Variants in CHD9 observed in about 807,000 individuals in gnomAD.
CHD9 encodes the protein chromodomain helicase DNA binding protein 9, also known as ATP-dependent chromatin remodeler CHD9.
Under a neutral mutation model 316.1 loss-of-function variants are expected in CHD9, and 77 were observed. That is an observed-to-expected ratio of 0.24 (90% CI 0.20 to 0.29). The LOEUF is 0.29. CHD9 is among the 10% of genes least tolerant of loss of function. The probability of loss-of-function intolerance (pLI) is 1.00; values close to 1 mark genes in which losing one functional copy is unlikely to be tolerated. For synonymous variants in CHD9, 1,129 were observed against 1,158.3 expected (o/e 0.97, Z 0.51); for missense variants, 2,763 against 3,438.1 (o/e 0.80, Z 4.91).
chr16:53,267,063 A>C (rs1389176758), intron 20 of CHD9, among the ~76,000 whole-genome samples: 1 of 152,194 alleles, frequency 6.6e-6, no homozygotes, highest in Non-Finnish European at 1.5e-5. Flanking sequence ...ACAAAATATC[A>C]AGTTCTTTTT....
rs370557476 is a variant in CHD9, at chr16:53,061,148, A to C, written c.-165+6071A>C. Among the ~76,000 whole-genome samples the C allele has an allele frequency of 9.9e-5, 15 of 152,184 alleles. 1 individual carries two copies. The highest frequency in any genetic ancestry group is 3.6e-4 in the African/African-American group (15 of 41,522). The stretch of plus-strand genomic sequence containing the variant: ...CGCCATGTTGGCCAGGCTGGTCTCG[A>C]ACTCCTGACCTCAGGTGATTCACCC... On this transcript the variant is annotated intron_variant, in intron 1 of 38. Coordinates refer to ENST00000447540, the MANE Select transcript of CHD9 (RefSeq NM_001308319.2).
intron 1 of CHD9, among the ~76,000 whole-genome samples, chr16:53,090,219 A>G (rs1185322614): frequency 1.3e-5 from 2 of 152,172 alleles, no homozygotes; most frequent in Non-Finnish European, 1.5e-5. Flanking sequence ...GAGCCAACAT[A>G]CCACCTTAAT....
Position 53,234,415 on chromosome 16 carries a change from G to A in CHD9, c.2512-770G>A, listed in dbSNP as rs530657560. Among the ~76,000 whole-genome samples the A allele has an allele frequency of 2.0e-4, 30 of 152,158 alleles. 1 individual carries two copies. Among genetic ancestry groups the A allele is most frequent in the African/African-American group, 7.2e-4 (30 of 41,516 alleles). On this transcript the variant is annotated intron_variant, in intron 10 of 38. Transcript: ENST00000447540. ...ATCCTTGCCTTATTCCTGATCTTAG[G>A]GGGAAAGCAGTCAGTCTTTCACCTT...
chr16:53,203,999 G>T (rs1490963786), intron 2 of CHD9, among the ~76,000 whole-genome samples: 3 of 135,606 alleles, frequency 2.2e-5, no homozygotes, highest in African/African-American at 8.4e-5. Context: ...ACTCCAGCCT[G>T]GGCGACAGAG....
intron 18 of CHD9, among the ~76,000 whole-genome samples, chr16:53,255,283 T>A (rs1398925017): frequency 1.3e-5 from 2 of 151,990 alleles, no homozygotes; most frequent in Non-Finnish European, 2.9e-5. Context: ...CACTCTAGCA[T>A]GGATAACAGA....
chr16:53,250,667 C>T (rs1469388421), intron 17 of CHD9: 1 of 151,756 alleles, frequency 6.6e-6, no homozygotes, highest in African/African-American at 2.4e-5. Flanking sequence ...ATAAGTAAGA[C>T]TATACTTGGA....
chr16:53,216,742 G>A (rs1380226431), intron 3 of CHD9, among the ~76,000 whole-genome samples: 2 of 152,108 alleles, frequency 1.3e-5, no homozygotes, highest in Non-Finnish European at 2.9e-5. Context: ...TTTACTCTCC[G>A]AGCCAGTGGT....
intron 2 of CHD9, among the ~76,000 whole-genome samples, chr16:53,162,569 T>C (rs2041988008): frequency 1.3e-5 from 2 of 152,148 alleles, no homozygotes; most frequent in African/African-American, 4.8e-5. Context: ...GTGAAACATG[T>C]TATGAGGGAT....
rs767830191 is a variant in CHD9, at chr16:53,318,203, A to G, written c.7585-9A>G. On this transcript the variant is annotated splice_polypyrimidine_tract_variant and intron_variant, in intron 36 of 38. Transcript: ENST00000447540. ...ACTTTAAAGATATGTCTTTATCTAT[A>G]TATTTTAGAGAATGCAGCTTCATGA... 1.9e-6 allele frequency: 3 copies of G among 1,602,114 alleles called. No homozygotes were observed. The highest frequency in any genetic ancestry group is 4.5e-5 in the East Asian group (2 of 44,746).
At chr16:53,228,449 A>G (rs1004396527) in intron 7 of CHD9, among the ~76,000 whole-genome samples, 1 of 151,952 alleles carries the variant, frequency 6.6e-6, no homozygotes, top group African/African-American at 2.4e-5. Context: ...GATAAAGGTC[A>G]GGTAACTCAT....
chr16:53,266,424 T>C (rs2051702889), intron 20 of CHD9, among the ~76,000 whole-genome samples: 1 of 152,208 alleles, frequency 6.6e-6, no homozygotes, highest in Non-Finnish European at 1.5e-5. Flanking sequence ...GAAAATCTGA[T>C]ACCACTTCAG....
At chr16:53,164,652 G>A (rs991929399) in intron 2 of CHD9, among the ~76,000 whole-genome samples, 17 of 151,586 alleles carry the variant, frequency 1.1e-4, no homozygotes, top group Middle Eastern at 3.4e-3. Context: ...TGGAGGGGGG[G>A]GTTTGTTGTT....
Position 53,285,649 on chromosome 16 carries a change from G to A in CHD9, c.5021G>A (p.Trp1674Ter). 1 of 1,607,900 alleles carries A rather than the reference G, an allele frequency of 6.2e-7. No homozygotes were observed. The highest frequency in any genetic ancestry group is 8.5e-7 in the Non-Finnish European group (1 of 1,176,836). ...GACCACTCAGAAGTTCCTGCTGAGT[G>A]GTGGGATTTTGATGCTGATAAGTCA... ...EPDHSEVPAE[W>*]WDFDADKSLL... is the part of the protein sequence containing the mutation. The change falls in exon 25 of 39, where the codon TGG becomes TAG. Residue 1674 changes from tryptophan (W) to a stop codon, truncating the protein, a stop_gained. Coordinates refer to ENST00000447540, the MANE Select transcript of CHD9 (RefSeq NM_001308319.2). LOFTEE classifies it high-confidence loss of function.
In CHD9 at chr16:53,326,879, A is replaced by G. The variant is rs1184135293; in HGVS notation, c.*1984A>G. 6.6e-6 allele frequency: 1 copy of G among 152,168 alleles called. No homozygotes were observed. The highest frequency in any genetic ancestry group is 1.5e-5 in the Non-Finnish European group (1 of 67,852). 9.4% of individuals were successfully genotyped at this position (152,168 alleles called of 1,614,324 possible). ...CCTTCCTTTCGCCAATTAAAAAAAA[A>G]AAAAAGGAAAAAAAATCTGTAGATC... On this transcript the variant is annotated 3_prime_UTR_variant, in exon 39 of 39. Transcript: ENST00000447540.
rs1446108486 is a variant in CHD9, at chr16:53,292,919, C to T, written c.5377C>T (p.Gln1793Ter). 6.2e-7 allele frequency: 1 copy of T among 1,613,654 alleles called. No individual in the cohort carries two copies. Among genetic ancestry groups the T allele is most frequent in the Non-Finnish European group, 8.5e-7 (1 of 1,179,806 alleles). The change falls in exon 29 of 39, where the codon CAG becomes TAG. Residue 1793 changes from glutamine (Q) to a stop codon, truncating the protein, a stop_gained. Transcript: ENST00000447540. LOFTEE classifies it high-confidence loss of function. ...TTTGAGGCGTCTCATCACTGCATACCAGCGTACTAATAAAAACAGACAAAT... is the reference window on the plus strand; with the variant it reads ...TTTGAGGCGTCTCATCACTGCATACTAGCGTACTAATAAAAACAGACAAAT... ...TRLRRLITAY[Q>*]RTNKNRQIQQ...
intron 1 of CHD9, among the ~76,000 whole-genome samples, chr16:53,083,736 C>T (rs768466499): frequency 5.3e-5 from 8 of 151,818 alleles, no homozygotes; most frequent in Non-Finnish European, 1.2e-4. Flanking sequence ...CGCCCCCACC[C>T]CCCGACTTCT....
At chr16:53,078,763 A>T (rs2034770665) in intron 1 of CHD9, among the ~76,000 whole-genome samples, 1 of 152,058 alleles carries the variant, frequency 6.6e-6, no homozygotes, top group Admixed American at 6.6e-5. Context: ...CTAACTCCTC[A>T]TGGCTCCTGG....
chr16:53,279,201 T>C (rs4315322), intron 24 of CHD9, among the ~76,000 whole-genome samples: 65,054 of 151,752 alleles, frequency 0.43, 14,355 homozygotes, highest in South Asian at 0.53. Context: ...GAGTTCATGT[T>C]CTTTGTAGGG....
chr16:53,251,941 G>A (rs1273424760), intron 17 of CHD9, among the ~76,000 whole-genome samples: 1 of 152,060 alleles, frequency 6.6e-6, no homozygotes, highest in Non-Finnish European at 1.5e-5. Context: ...GTTCATGGAT[G>A]GGAAGACTTA....
Sources: gnomAD v4.1 joint callset for allele counts (sites outside exome capture counted in the v4.1 genomes callset) on GRCh38, gnomAD v4.1.1 for gene constraint, MANE v1.5 for transcripts, NCBI Gene and HGNC (gene_info 2026-07-23, HGNC 2026-07-21) for gene names.